The following ADAM28 variants were observed in gnomAD, a reference collection of about 807,000 sequenced individuals.
ADAM28 encodes the protein ADAM metallopeptidase domain 28, also known as disintegrin and metalloproteinase domain-containing protein 28.
ADAM28 carries 105 observed loss-of-function variants against 101.2 expected under a neutral mutation model. The observed-to-expected ratio is 1.04, with a 90% CI of 0.89 to 1.22. The LOEUF (loss-of-function observed/expected upper bound fraction) is 1.22. ADAM28 is among the 50% of genes most tolerant of loss of function. ADAM28 has a pLI of 0.00. For synonymous variants in ADAM28, 322 were observed against 310.6 expected (o/e 1.04, Z -0.39); for missense variants, 1,028 against 945.4 (o/e 1.09, Z -1.15).
intron 9 of ADAM28, 79 bp downstream of exon 9, chr8:24,324,082 G>T: frequency 1.5e-6 from 2 of 1,376,460 alleles, no homozygotes. Context: ...AGTGAGGGGT[G>T]CACATAGAGG....
intron 11 of ADAM28, 29 bp downstream of exon 11, chr8:24,330,144 C>A (rs1813181840): frequency 6.2e-7 from 1 of 1,600,182 alleles, no homozygotes; most frequent in Non-Finnish European, 8.5e-7. Context: ...TGGGGACATG[C>A]TATGTAGCCC....
intron 14 of ADAM28, among the ~76,000 whole-genome samples, chr8:24,336,632 T>G (rs1814123371): frequency 6.7e-6 from 1 of 149,046 alleles, no homozygotes; most frequent in African/African-American, 2.5e-5. Flanking sequence ...TATTAGAAAG[T>G]CAATTTTAGA....
chr8:24,321,139 TAA>T (rs1172639506), intron 7 of ADAM28, 77 bp from the exon 8 acceptor site: 7 of 785,824 alleles, frequency 8.9e-6, no homozygotes, highest in South Asian at 8.0e-5. Context: ...ATAAGTAATA[TAA>T]GAGAAGATGC....
intron 1 of ADAM28, chr8:24,296,107 G>C (rs1048764042): frequency 2.0e-5 from 3 of 152,190 alleles, no homozygotes; most frequent in Non-Finnish European, 2.9e-5. Context: ...GGTGTTTGCG[G>C]GGTGAAGATG....
chr8:24,300,192 G>C, intron 2 of ADAM28, 115 bp downstream of exon 2: 1 of 698,010 alleles, frequency 1.4e-6, no homozygotes, highest in Non-Finnish European at 2.2e-6. Context: ...GTTTATATAT[G>C]TGTGTGTGTG....
intron 2 of ADAM28, among the ~76,000 whole-genome samples, chr8:24,300,695 C>A (rs1808628044): frequency 6.6e-6 from 1 of 152,108 alleles, no homozygotes; most frequent in Non-Finnish European, 1.5e-5. Context: ...GGATTACAGG[C>A]GTGAGCTACC....
At chr8:24,341,388 G>A (rs1005134039) in intron 15 of ADAM28, 3 of 461,362 alleles carry the variant, frequency 6.5e-6, no homozygotes, top group African/African-American at 2.0e-5. Flanking sequence ...AGGTGTACAG[G>A]GATCTAGGTA....
rs868587616 is a variant in ADAM28 at position 24,354,518 on chromosome 8, G to T, written c.*114G>T. On this transcript the variant is annotated 3_prime_UTR_variant, in exon 23 of 23. Coordinates refer to ENST00000265769, the MANE Select transcript of ADAM28 (RefSeq NM_014265.6). Reference sequence around the variant, plus strand: ...CCAGTATTTGCTCTCGACTCAAGAAGGTTAACATTTTCTGATTCATGTTAG... The same window carrying T: ...CCAGTATTTGCTCTCGACTCAAGAATGTTAACATTTTCTGATTCATGTTAG... 2 of 1,294,516 alleles carry T rather than the reference G, an allele frequency of 1.5e-6. No homozygotes were observed. The highest frequency in any genetic ancestry group is 1.0e-6 in the Non-Finnish European group (1 of 953,620). 80.2% of individuals were successfully genotyped at this position (1,294,516 alleles called of 1,614,324 possible). A position where few individuals can be genotyped will look rare whatever the true frequency, so the allele number is the denominator to read the frequency against.
At chr8:24,343,965 T>C (rs1481294760) in intron 18 of ADAM28, among the ~76,000 whole-genome samples, 1 of 152,216 alleles carries the variant, frequency 6.6e-6, no homozygotes, top group Non-Finnish European at 1.5e-5. Context: ...TTGAATTATC[T>C]GTTTCTTTTG....
intron 18 of ADAM28, among the ~76,000 whole-genome samples, chr8:24,347,608 G>T (rs1232112899): frequency 6.6e-6 from 1 of 152,012 alleles, no homozygotes; most frequent in Admixed American, 6.6e-5. Context: ...TTACTGTGCT[G>T]GGAGTGTTAA....
chr8:24,299,386 A>G (rs1300683537), intron 1 of ADAM28, among the ~76,000 whole-genome samples: 3 of 152,164 alleles, frequency 2.0e-5, no homozygotes, highest in African/African-American at 7.2e-5. Context: ...TGTATGCAAA[A>G]ATAAGGTTTT....
rs760720059 is a variant in ADAM28 at position 24,332,755 on chromosome 8, A to ATTAT, written c.1371+9_1371+12dup. Reference sequence around the variant, plus strand: ...AATGTTGTGAAAAATGCCAAGTAAGATTATTTTATTCTATTTTAATAATTA... The same window carrying ATTAT: ...AATGTTGTGAAAAATGCCAAGTAAGATTATTTATTTTATTCTATTTTAATAATTA... On this transcript the variant is annotated splice_region_variant and intron_variant, in intron 13 of 22. Coordinates refer to ENST00000265769, the MANE Select transcript of ADAM28 (RefSeq NM_014265.6). 2.4e-5 allele frequency: 34 copies of ATTAT among 1,405,280 alleles called. No individual in the cohort carries two copies. The highest frequency in any genetic ancestry group is 3.1e-5 in the Non-Finnish European group (33 of 1,051,824). The allele number at this position is 1,405,280 out of a possible 1,614,324, so 87.1% of individuals were successfully genotyped here. A position where few individuals can be genotyped will look rare whatever the true frequency, so the allele number is the denominator to read the frequency against.
chr8:24,352,264 G>T (rs1816251012), intron 21 of ADAM28, among the ~76,000 whole-genome samples: 1 of 152,126 alleles, frequency 6.6e-6, no homozygotes, highest in East Asian at 1.9e-4. Context: ...GACAAGAAGA[G>T]GACTAATCTG....
chr8:24,294,482 T>C (rs1322433622), intron 1 of ADAM28, among the ~76,000 whole-genome samples: 1 of 152,146 alleles, frequency 6.6e-6, no homozygotes, highest in Non-Finnish European at 1.5e-5. Context: ...ATTTAAATCA[T>C]GAATATGATT....
In ADAM28 at chr8:24,328,955, G is replaced by A. The variant is rs368634373; in HGVS notation, c.973-1030G>A. 7.9e-5 allele frequency among the ~76,000 whole-genome samples: 12 copies of A among 151,832 alleles called. No individual in the cohort carries two copies. In the East Asian group the frequency reaches 2.1e-3, roughly 27 times the overall value. ...AAAATGGACCTCAAAGGGTAGGTAG[G>A]ATTTAGAGTGGGGCAAGACAGAATG... On this transcript the variant is annotated intron_variant, in intron 10 of 22. Transcript: ENST00000265769.
At position 24,356,241 on chromosome 8, in the gene ADAM28, T is replaced by A. The variant is rs13260546; in HGVS notation, c.*1837T>A. The A allele has an allele frequency of 0.98, 149,410 of 152,248 alleles. 73,345 individuals are homozygous for A. Among genetic ancestry groups the A allele is most frequent in the East Asian group, 1 (5,175 of 5,182 alleles). 9.4% of individuals were successfully genotyped at this position (152,248 alleles called of 1,614,324 possible). A position where few individuals can be genotyped will look rare whatever the true frequency, so the allele number is the denominator to read the frequency against. On this transcript the variant is annotated 3_prime_UTR_variant, in exon 23 of 23. Coordinates refer to ENST00000265769, the MANE Select transcript of ADAM28 (RefSeq NM_014265.6). ...ATCCCTATTTCCTGGAAAGCCATTATGTACTCGTGACCAACTTGTGAACTT... is the reference window on the plus strand; with the variant it reads ...ATCCCTATTTCCTGGAAAGCCATTAAGTACTCGTGACCAACTTGTGAACTT...
rs147352871 is a variant in ADAM28, at chr8:24,343,143, A to C, written c.1873A>C (p.Lys625Gln). The change falls in exon 17 of 23, where the codon AAA (lysine) becomes CAA (glutamine). Residue 625 changes from lysine to glutamine, a missense_variant. Coordinates refer to ENST00000265769, the MANE Select transcript of ADAM28 (RefSeq NM_014265.6). ...AECVDIEKAY[K>Q]STNCSSKCKG... ...ATGTGTGGATATTGAGAAAGCCTAC[A>C]AATCAACCAATTGCTCATCTAAGTG... is the stretch of plus-strand genomic sequence containing the variant. 75 of 1,613,896 alleles carry C rather than the reference A, an allele frequency of 4.6e-5. 2 individuals carry two copies. The African/African-American group carries it at 8.5e-4, about 18-fold the overall frequency.
At position 24,343,549 on chromosome 8, in the gene ADAM28, T is replaced by A. The variant is rs755723199; in HGVS notation, c.1955T>A (p.Ile652Asn). ...ELQCQCEEGW[I>N]PPDCDDSSVV... is the part of the protein sequence containing the mutation. ...CAGTGTCAATGTGAGGAAGGATGGATCCCTCCCGACTGCGATGACTCCTCA... is the reference window on the plus strand; with the variant it reads ...CAGTGTCAATGTGAGGAAGGATGGAACCCTCCCGACTGCGATGACTCCTCA... Residue 652 changes from isoleucine (I) to asparagine (N), a missense_variant, in exon 18 of 23, where the codon ATC becomes AAC. Ile to Asn is a moderately radical substitution (Grantham distance 149, BLOSUM62 -3). Coordinates refer to ENST00000265769, the MANE Select transcript of ADAM28 (RefSeq NM_014265.6). 1.9e-6 allele frequency: 3 copies of A among 1,613,622 alleles called. No individual in the cohort carries two copies. Among genetic ancestry groups the A allele is most frequent in the Admixed American group, 3.3e-5 (2 of 59,936 alleles).
chr8:24,311,983 C>T (rs1810520656), intron 5 of ADAM28, among the ~76,000 whole-genome samples: 1 of 152,092 alleles, frequency 6.6e-6, no homozygotes, highest in Non-Finnish European at 1.5e-5. Flanking sequence ...AAGTAGTCTG[C>T]CCGCCTCAGC....
Sources: gnomAD v4.1 joint callset for allele counts (sites outside exome capture counted in the v4.1 genomes callset) on GRCh38, gnomAD v4.1.1 for gene constraint, MANE v1.5 for transcripts, NCBI Gene and HGNC (gene_info 2026-07-23, HGNC 2026-07-21) for gene names.